Variants in EXOC4 observed in about 807,000 individuals in gnomAD.
EXOC4 encodes the protein exocyst complex component 4, also known as SEC8-like 1.
Under a neutral mutation model 107.2 loss-of-function variants are expected in EXOC4, and 71 were observed. The observed-to-expected ratio is 0.66, with a 90% CI of 0.55 to 0.81. The LOEUF is 0.81. Ranked by LOEUF, EXOC4 falls within the 30% of genes least tolerant of loss-of-function variation. EXOC4 has a pLI of 0.00. For synonymous variants in EXOC4, 456 were observed against 441.2 expected (o/e 1.03, Z -0.42); for missense variants, 1,108 against 1,189.6 (o/e 0.93, Z 1.01).
chr7:133,510,027 C>T (rs1006542627), intron 9 of EXOC4, among the ~76,000 whole-genome samples: 1 of 152,146 alleles, frequency 6.6e-6, no homozygotes, highest in Admixed American at 6.5e-5. Flanking sequence ...TTTAAATTTA[C>T]AATTCAGCAG....
chr7:133,387,130 T>C (rs970345047), intron 7 of EXOC4, among the ~76,000 whole-genome samples: 1 of 152,186 alleles, frequency 6.6e-6, no homozygotes, highest in African/African-American at 2.4e-5. Flanking sequence ...GGATTCTAAC[T>C]GATTCTAATG....
At chr7:133,728,521 C>T (rs1795262404) in intron 10 of EXOC4, among the ~76,000 whole-genome samples, 1 of 152,186 alleles carries the variant, frequency 6.6e-6, no homozygotes, top group Non-Finnish European at 1.5e-5. Context: ...GTTGGATTTT[C>T]TGTCCTTCCC....
intron 9 of EXOC4, among the ~76,000 whole-genome samples, chr7:133,520,653 A>G (rs962085294): frequency 5.3e-5 from 8 of 152,176 alleles, no homozygotes; most frequent in African/African-American, 1.9e-4. Context: ...GTTAGTTTAT[A>G]TGAATCAATT....
intron 10 of EXOC4, among the ~76,000 whole-genome samples, chr7:133,667,600 G>A (rs948079396): frequency 2.6e-5 from 4 of 152,140 alleles, no homozygotes; most frequent in African/African-American, 9.7e-5. Flanking sequence ...GTACTTGAGG[G>A]AAGTATTCCA....
chr7:133,477,859 G>T (rs1007815612), intron 8 of EXOC4, among the ~76,000 whole-genome samples: 14 of 152,258 alleles, frequency 9.2e-5, no homozygotes, highest in African/African-American at 2.9e-4. Flanking sequence ...GGATTGGGTC[G>T]TAAGCCCATT....
At chr7:133,712,228 T>C (rs537549560) in intron 10 of EXOC4, among the ~76,000 whole-genome samples, 4 of 152,124 alleles carry the variant, frequency 2.6e-5, no homozygotes, top group East Asian at 3.9e-4. Context: ...TCACCTGATG[T>C]TGGGAGTTCA....
chr7:133,372,184 G>A (rs1445061428), intron 6 of EXOC4, among the ~76,000 whole-genome samples: 1 of 152,134 alleles, frequency 6.6e-6, no homozygotes, highest in Non-Finnish European at 1.5e-5. Flanking sequence ...CTTTCTTGAT[G>A]ATATCATTTG....
chr7:133,547,659 C>G (rs1383541798), intron 9 of EXOC4, among the ~76,000 whole-genome samples: 2 of 152,178 alleles, frequency 1.3e-5, no homozygotes, highest in Non-Finnish European at 2.9e-5. Context: ...ACAGCATCTT[C>G]AAGAGTAGAT....
intron 11 of EXOC4, among the ~76,000 whole-genome samples, chr7:133,856,875 C>A (rs62470397): frequency 1.3e-5 from 2 of 150,696 alleles, no homozygotes; most frequent in Non-Finnish European, 3.0e-5. Flanking sequence ...CCAAGGCAGG[C>A]GGATCACGAG....
chr7:133,969,418 G>A (rs1585287453), intron 14 of EXOC4, among the ~76,000 whole-genome samples: 1 of 152,182 alleles, frequency 6.6e-6, no homozygotes, highest in Non-Finnish European at 1.5e-5. Flanking sequence ...AAGAGAAGAG[G>A]CATTCTTATT....
intron 7 of EXOC4, among the ~76,000 whole-genome samples, chr7:133,461,211 A>G (rs1798585082): frequency 6.6e-6 from 1 of 152,130 alleles, no homozygotes; most frequent in Admixed American, 6.6e-5. Flanking sequence ...TTCGGTTGAG[A>G]TGTTCTTTGT....
intron 11 of EXOC4, among the ~76,000 whole-genome samples, chr7:133,875,083 A>G (rs770867360): frequency 6.6e-6 from 1 of 152,234 alleles, no homozygotes; most frequent in Non-Finnish European, 1.5e-5. Context: ...AAGAAATGAA[A>G]GCATTTCAGA....
chr7:133,298,970 A>C (rs2150559359), intron 3 of EXOC4, among the ~76,000 whole-genome samples: 1 of 152,296 alleles, frequency 6.6e-6, no homozygotes, highest in African/African-American at 2.4e-5. Flanking sequence ...TACTAAATAT[A>C]ATGTTTAGGG....
chr7:134,052,404 G>A (rs2116587492), intron 17 of EXOC4, among the ~76,000 whole-genome samples: 1 of 151,656 alleles, frequency 6.6e-6, no homozygotes, highest in South Asian at 2.1e-4. Context: ...GAGGATCAAA[G>A]GCATAGGGTT....
rs148620398 is a variant in EXOC4 at position 133,533,684 on chromosome 7, C to T, written c.1417+53546C>T. ...ACCTTTAAAAAGCTAGGGTAGTGCT[C>T]GGCTGACTGTGCCATCTCTGTATGG... On this transcript the variant is annotated intron_variant, in intron 9 of 17. Coordinates refer to ENST00000253861, the MANE Select transcript of EXOC4 (RefSeq NM_021807.4). Among the ~76,000 whole-genome samples, 982 of 152,192 alleles carry T rather than the reference C, an allele frequency of 6.5e-3. 15 individuals carry two copies. The highest frequency in any genetic ancestry group is 0.023 in the African/African-American group (936 of 41,540).
At chr7:133,621,398 G>C (rs1004150) in intron 9 of EXOC4, among the ~76,000 whole-genome samples, 150,285 of 152,312 alleles carry the variant, frequency 0.99, 74,180 homozygotes, top group Middle Eastern at 1. Context: ...ATTTTTATTT[G>C]TTTATGAGAA....
chr7:134,008,116 C>T (rs1794686307), intron 17 of EXOC4, among the ~76,000 whole-genome samples: 1 of 152,038 alleles, frequency 6.6e-6, no homozygotes, highest in African/African-American at 2.4e-5. Flanking sequence ...TATACATGCT[C>T]ATTGCATAAA....
At chr7:133,461,837 A>C (rs974828516) in intron 7 of EXOC4, among the ~76,000 whole-genome samples, 3 of 152,208 alleles carry the variant, frequency 2.0e-5, no homozygotes, top group Non-Finnish European at 2.9e-5. Context: ...TTGTGCCTAG[A>C]TGTTGACAGA....
At chr7:133,932,317 C>G (rs1800196666) in intron 13 of EXOC4, among the ~76,000 whole-genome samples, 1 of 152,172 alleles carries the variant, frequency 6.6e-6, no homozygotes, top group South Asian at 2.1e-4. Flanking sequence ...TTCCCAGGAG[C>G]TCACCATCTT....
Sources: allele counts gnomAD v4.1 joint callset (sites outside exome capture counted in the v4.1 genomes callset), GRCh38; gene constraint gnomAD v4.1.1; transcripts MANE v1.5; gene names NCBI Gene and HGNC (gene_info 2026-07-23, HGNC 2026-07-21).